Variants in GPATCH3 observed in about 807,000 individuals in gnomAD.
GPATCH3 encodes the protein G patch domain-containing protein 3.
Under a neutral mutation model 53.2 loss-of-function variants are expected in GPATCH3, and 45 were observed. The observed-to-expected ratio is 0.85, with a 90% CI of 0.67 to 1.08. GPATCH3 has a LOEUF of 1.08. Among genes scored for constraint, GPATCH3 ranks in the 50% least tolerant of loss-of-function variants. The probability of loss-of-function intolerance (pLI) is 0.00; values close to 1 mark genes in which losing one functional copy is unlikely to be tolerated. For synonymous variants in GPATCH3, 280 were observed against 270.6 expected, an observed-to-expected ratio of 1.03 and a Z score of -0.34; for missense variants, 680 against 687.2, an observed-to-expected ratio of 0.99 and a Z score of 0.12.
At position 26,896,340 on chromosome 1, in the gene GPATCH3, G is replaced by A. The variant is rs2081950392; in HGVS notation, c.876+961C>T. Among the ~76,000 whole-genome samples, 5 of 148,458 alleles carry A rather than the reference G, an allele frequency of 3.4e-5. No homozygotes were observed. The South Asian group carries it at 8.5e-4, about 25-fold the overall frequency. ...TTTTTTTTTTTTTTCTCAGCTCACT[G>A]CAACCTCCGCCTCCTGGGTTCAAGA... On this transcript the variant is annotated intron_variant, in intron 2 of 6. Coordinates refer to ENST00000361720, the MANE Select transcript of GPATCH3 (RefSeq NM_022078.3).
rs1310878273 is a variant in GPATCH3, at chr1:26,893,260, C to A, written c.1111+129G>T. 1.8e-5 allele frequency: 14 copies of A among 776,854 alleles called. No homozygotes were observed. The South Asian group carries it at 1.9e-4, about 11-fold the overall frequency. The allele number at this position is 776,854 out of a possible 1,614,324, so 48.1% of individuals were successfully genotyped here. A position where few individuals can be genotyped will look rare whatever the true frequency, so the allele number is the denominator to read the frequency against. On this transcript the variant is annotated intron_variant, in intron 4 of 6. Transcript: ENST00000361720. ...CAACCAAAGATGTTTTAAGAGGAAC[C>A]CTCTCAGTGGGCTACCCCAAGGGAA...
At position 26,892,525 on chromosome 1, in the gene GPATCH3, T is replaced by C. The variant is rs780755443; in HGVS notation, c.1247A>G (p.Lys416Arg). 1 of 1,612,940 alleles carries C rather than the reference T, an allele frequency of 6.2e-7. No homozygotes were observed. Among genetic ancestry groups the C allele is most frequent in the African/African-American group, 1.3e-5 (1 of 74,902 alleles). The change falls in exon 6 of 7, where the codon AAG becomes AGG. Residue 416 changes from lysine (K) to arginine (R), a missense_variant. Physicochemically the swap from Lys to Arg is conservative, Grantham distance 26 (BLOSUM62 2). Transcript: ENST00000361720. ...FERHTKGIGR[K>R]VMERQGWAEG... Reference sequence around the variant, plus strand: ...AGCCCAGCCCTGCCGCTCCATCACCTTCCGCCCAATGCCCTGCAGAGTGAA... The same window carrying C: ...AGCCCAGCCCTGCCGCTCCATCACCCTCCGCCCAATGCCCTGCAGAGTGAA...
At chr1:26,899,694 G>C (rs1187602406) in intron 1 of GPATCH3, among the ~76,000 whole-genome samples, 1 of 152,176 alleles carries the variant, frequency 6.6e-6, no homozygotes, top group African/African-American at 2.4e-5. Context: ...ACAGTAAAAG[G>C]GTTAGAGACT....
chr1:26,892,420 C>T lies in GPATCH3; in HGVS notation c.1352G>A (p.Arg451His), dbSNP rs370323533. 34 of 1,612,622 alleles carry T rather than the reference C, an allele frequency of 2.1e-5. No individual in the cohort carries two copies. The highest frequency in any genetic ancestry group is 3.3e-5 in the South Asian group (3 of 91,050). Residue 451 changes from arginine (R) to histidine (H), a missense_variant, in exon 6 of 7, where the codon CGT (arginine) becomes CAT (histidine). By Grantham distance (29) the Arg-to-His change is conservative (BLOSUM62 0). Transcript: ENST00000361720. ...CCTCAGTCACACTTACCCCAATCCACGCTTGCATCTGGGGTGTTGGCCATC... is the reference window on the plus strand; with the variant it reads ...CCTCAGTCACACTTACCCCAATCCATGCTTGCATCTGGGGTGTTGGCCATC... ...DSDGQHPRCK[R>H]GLGYHGEKLQ...
At chr1:26,899,701 G>A (rs897471219) in intron 1 of GPATCH3, among the ~76,000 whole-genome samples, 1 of 152,222 alleles carries the variant, frequency 6.6e-6, no homozygotes, top group African/African-American at 2.4e-5. Context: ...AAGGGTTAGA[G>A]ACTGGATTTC....
In GPATCH3 at chr1:26,897,392, C is replaced by T. The variant is rs748307133; in HGVS notation, c.785G>A (p.Gly262Glu). ...YTAEGEEIPQ[G>E]TYLADIPASP... ...GGCTGGTATATCTGCCAGGTAGGTTCCTTGGGGTATTTCTTCACCCTCTGC... is the reference window on the plus strand; with the variant it reads ...GGCTGGTATATCTGCCAGGTAGGTTTCTTGGGGTATTTCTTCACCCTCTGC... The change falls in exon 2 of 7, where the codon GGA (glycine) becomes GAA (glutamate). Residue 262 changes from glycine (G) to glutamate (E), a missense_variant. Physicochemically the swap from Gly to Glu is moderately conservative, Grantham distance 98. Transcript: ENST00000361720. The T allele has an allele frequency of 6.2e-7, 1 of 1,614,168 alleles. No homozygotes were observed.
chr1:26,896,983 C>G (rs1311343730), intron 2 of GPATCH3, among the ~76,000 whole-genome samples: 1 of 150,440 alleles, frequency 6.6e-6, no homozygotes, highest in African/African-American at 2.5e-5. Flanking sequence ...GATCGTGCCA[C>G]TGCACTCCAG....
intron 1 of GPATCH3, among the ~76,000 whole-genome samples, chr1:26,899,782 A>G (rs2081966746): frequency 6.6e-6 from 1 of 152,208 alleles, no homozygotes; most frequent in African/African-American, 2.4e-5. Flanking sequence ...GGACCTAACA[A>G]AATGAAGGCT....
At chr1:26,899,458 G>A (rs144923294) in intron 1 of GPATCH3, among the ~76,000 whole-genome samples, 261 of 152,316 alleles carry the variant, frequency 1.7e-3, no homozygotes, top group African/African-American at 5.7e-3. Context: ...TGTGGATTCT[G>A]AGCACACACT....
At chr1:26,894,755 C>T (rs1417161273) in intron 2 of GPATCH3, among the ~76,000 whole-genome samples, 1 of 152,120 alleles carries the variant, frequency 6.6e-6, no homozygotes, top group Non-Finnish European at 1.5e-5. Flanking sequence ...ACATTTAGGC[C>T]CACAGCTCTC....
At position 26,897,604 on chromosome 1, in the gene GPATCH3, G is replaced by C; in HGVS notation, c.573C>G (p.Pro191=). The stretch of plus-strand genomic sequence containing the variant: ...GCAGGGGAGTCCCCACATTCCCTCT[G>C]GGCATCAGCACTGGTGGGTTCAGCT... ...LPELNPPVLM[P]RGNVGTPLRV... is the part of the protein sequence containing the mutation. The change falls in exon 2 of 7, where the codon CCC becomes CCG. Residue 191 remains proline (P), a synonymous_variant. Coordinates refer to ENST00000361720, the MANE Select transcript of GPATCH3 (RefSeq NM_022078.3). 1 of 1,614,188 alleles carries C rather than the reference G, an allele frequency of 6.2e-7. No individual in the cohort carries two copies. The highest frequency in any genetic ancestry group is 8.5e-7 in the Non-Finnish European group (1 of 1,180,046).
Position 26,900,358 on chromosome 1 carries a change from A to G in GPATCH3, c.85T>C (p.Leu29=). The G allele has an allele frequency of 6.2e-7, 1 of 1,614,040 alleles. No homozygotes were observed. Among genetic ancestry groups the G allele is most frequent in the East Asian group, 2.2e-5 (1 of 44,876 alleles). ...GIPSVLRSAH[L]RSYFSQFREE... ...CGGAACTGGCTAAAATAGCTCCGTA[A>G]ATGGGCCGAGCGCAACACGGAGGGG... Residue 29 remains leucine, a synonymous_variant, in exon 1 of 7, where the codon TTA becomes CTA. Coordinates refer to ENST00000361720, the MANE Select transcript of GPATCH3 (RefSeq NM_022078.3).
Position 26,900,215 on chromosome 1 carries a change from C to G in GPATCH3, c.228G>C (p.Gln76His), listed in dbSNP as rs1404427695. 1.2e-6 allele frequency: 2 copies of G among 1,614,140 alleles called. No homozygotes were observed. The highest frequency in any genetic ancestry group is 1.7e-6 in the Non-Finnish European group (2 of 1,180,034). The change falls in exon 1 of 7, where the codon CAG becomes CAC. Residue 76 changes from glutamine to histidine, a missense_variant. By Grantham distance (24) the Gln-to-His change is conservative. Transcript: ENST00000361720. ...LIPTDPAAEG[Q>H]LLSQTSATDV... ...CGGTGGCCGAAGTCTGAGAGAGAAGCTGGCCCTCAGCGGCTGGGTCGGTAG... is the reference window on the plus strand; with the variant it reads ...CGGTGGCCGAAGTCTGAGAGAGAAGGTGGCCCTCAGCGGCTGGGTCGGTAG...
rs140058066 is a variant in GPATCH3, at chr1:26,891,202, T to C, written c.1386A>G (p.Pro462=). The change falls in exon 7 of 7, where the codon CCA becomes CCG. Residue 462 remains proline, a synonymous_variant. Transcript: ENST00000361720. ...TACGGGGCCTCTTCAGTTGCCCAAA[T>C]GGCTGTAGCTTCTCTCCATGGTACC... ...GLGYHGEKLQ[P]FGQLKRPRRN... The C allele has an allele frequency of 1.5e-4, 248 of 1,613,446 alleles. 1 individual carries two copies. In the African/African-American group the frequency reaches 3.0e-3, roughly 20 times the overall value.
chr1:26,894,006 C>T (rs1036037265), intron 3 of GPATCH3, among the ~76,000 whole-genome samples: 1 of 151,396 alleles, frequency 6.6e-6, no homozygotes, highest in African/African-American at 2.4e-5. Flanking sequence ...GATCCTTCCT[C>T]TGGGAGGGTT....
rs752133360 is a variant in GPATCH3, at chr1:26,892,670, C to T, written c.1233G>A (p.Lys411=). Residue 411 remains lysine (K), a splice_region_variant and synonymous_variant, in exon 5 of 7, where the codon AAG becomes AAA. Coordinates refer to ENST00000361720, the MANE Select transcript of GPATCH3 (RefSeq NM_022078.3). ...TGGGGTGGGCACAGTGCTAACTCAC[C>T]TTGGTGTGGCGCTCAAAGGTGCCCA... ...RQVGTFERHT[K]GIGRKVMERQ... 6.2e-6 allele frequency: 10 copies of T among 1,614,012 alleles called. No individual in the cohort carries two copies. In the East Asian group the frequency reaches 2.0e-4, roughly 32 times the overall value.
At chr1:26,893,280 A>G in intron 4 of GPATCH3, 109 bp downstream of exon 4, 1 of 885,742 alleles carries the variant, frequency 1.1e-6, no homozygotes, top group East Asian at 2.4e-5. Context: ...GGCTACCCCA[A>G]GGGAACGGGA....
chr1:26,893,529 CTTTTT>C (rs57218076), intron 3 of GPATCH3, 81 bp from the exon 4 acceptor site: 202 of 372,140 alleles, frequency 5.4e-4, no homozygotes, highest in Middle Eastern at 3.1e-3. Context: ...GTTTTTTTGG[CTTTTT>C]TTTTTTTTTT....
At chr1:26,891,248 G>C in intron 6 of GPATCH3, 22 bp from the exon 7 acceptor site, 3 of 1,585,150 alleles carry the variant, frequency 1.9e-6, no homozygotes, top group Non-Finnish European at 2.6e-6. Flanking sequence ...CGGGCTCTCA[G>C]TGAGAAGGCT....
Sources: allele counts gnomAD v4.1 joint callset (sites outside exome capture counted in the v4.1 genomes callset), GRCh38; gene constraint gnomAD v4.1.1; transcripts MANE v1.5; gene names NCBI Gene and HGNC (gene_info 2026-07-23, HGNC 2026-07-21).